The following P2RX7 variants were observed in gnomAD, a reference collection of about 807,000 sequenced individuals.
The protein encoded by P2RX7 is P2X purinoceptor 7.
In P2RX7, 62 loss-of-function variants were observed where a neutral mutation model predicts 71.6. The ratio of observed to expected loss-of-function variants is 0.87; its 90% CI spans 0.71 to 1.07. P2RX7 has a LOEUF of 1.07. Among genes scored for constraint, P2RX7 ranks in the 50% least tolerant of loss-of-function variants. P2RX7 has a pLI of 0.00. For missense variants in P2RX7, 686 were observed against 748.5 expected, an observed-to-expected ratio of 0.92 and a Z score of 0.97; for synonymous variants, 299 against 283.3, an observed-to-expected ratio of 1.06 and a Z score of -0.56.
Position 121,177,405 on chromosome 12 carries a change from T to C in P2RX7, c.1147T>C (p.Tyr383His), listed in dbSNP as rs889743560. 5.0e-6 allele frequency: 8 copies of C among 1,613,704 alleles called. No individual in the cohort carries two copies. The African/African-American group carries it at 8.0e-5, about 16-fold the overall frequency. The change falls in exon 11 of 13, where the codon TAC becomes CAC. Residue 383 changes from tyrosine (Y) to histidine (H), a missense_variant. Physicochemically the swap from Tyr to His is moderately conservative, Grantham distance 83. Coordinates refer to ENST00000328963, the MANE Select transcript of P2RX7 (RefSeq NM_002562.6). ...CCQPCVVNEY[Y>H]YRKKCESIVE... The stretch of plus-strand genomic sequence containing the variant: ...TCAGCCCTGTGTGGTCAACGAATAC[T>C]ACTACAGGAAGAAGTGCGAGTCCAT...
At position 121,180,385 on chromosome 12, in the gene P2RX7, C is replaced by T. The variant is rs755229064; in HGVS notation, c.1220C>T (p.Ser407Phe). ...AAGTATGTGTCCTTTGTGGATGAAT[C>T]CCACATTAGGATGGTGAACCAGCAG... ...TLKYVSFVDESHIRMVNQQLL... is the reference protein window; with the variant it reads ...TLKYVSFVDEFHIRMVNQQLL... Residue 407 changes from serine (S) to phenylalanine (F), a missense_variant, in exon 12 of 13, where the codon TCC becomes TTC. Transcript: ENST00000328963. The T allele has an allele frequency of 3.7e-6, 6 of 1,601,974 alleles. No individual in the cohort carries two copies.
At chr12:121,148,633 G>A (rs908559167) in intron 1 of P2RX7, among the ~76,000 whole-genome samples, 5 of 152,170 alleles carry the variant, frequency 3.3e-5, no homozygotes, top group Non-Finnish European at 2.9e-5. Flanking sequence ...AAGCCACTAA[G>A]TTTGTGGTAA....
In P2RX7 at chr12:121,184,520, G is replaced by A; in HGVS notation, c.1506G>A (p.Lys502=). ...RCLEELCCRK[K]PGACITTSEL... is the part of the protein sequence containing the mutation. ...TGGAGGAGCTGTGCTGCCGGAAAAAGCCGGGGGCCTGCATCACCACCTCAG... is the reference window on the plus strand; with the variant it reads ...TGGAGGAGCTGTGCTGCCGGAAAAAACCGGGGGCCTGCATCACCACCTCAG... Residue 502 remains lysine (K), a synonymous_variant, in exon 13 of 13, where the codon AAG becomes AAA. Transcript: ENST00000328963. 1 of 1,614,218 alleles carries A rather than the reference G, an allele frequency of 6.2e-7. No homozygotes were observed. Among genetic ancestry groups the A allele is most frequent in the African/African-American group, 1.3e-5 (1 of 75,062 alleles).
At chr12:121,136,003 CAAAAAAAA>C (rs1191508376) in intron 1 of P2RX7, among the ~76,000 whole-genome samples, 2 of 12,830 alleles carry the variant, frequency 1.6e-4, no homozygotes, top group African/African-American at 3.1e-4. Flanking sequence ...GACTCTGTCT[CAAAAAAAA>C]AAAAAAAAAA....
At chr12:121,184,119 G>A (rs972642118) in intron 12 of P2RX7, among the ~76,000 whole-genome samples, 186 bp from the exon 13 acceptor site, 8 of 151,674 alleles carry the variant, frequency 5.3e-5, no homozygotes, top group Middle Eastern at 3.2e-3. Flanking sequence ...TCTCACAAGC[G>A]TCTTCAAAGG....
intron 3 of P2RX7, among the ~76,000 whole-genome samples, chr12:121,157,677 A>G (rs962092889): frequency 1.3e-5 from 2 of 152,184 alleles, no homozygotes; most frequent in Non-Finnish European, 2.9e-5. Context: ...AAGAGTTAGG[A>G]TAGCCCAGAG....
intron 8 of P2RX7, among the ~76,000 whole-genome samples, chr12:121,174,097 G>C (rs1279530443): frequency 7.3e-6 from 1 of 136,572 alleles, no homozygotes; most frequent in Non-Finnish European, 1.5e-5. Context: ...ACCCAGGCTA[G>C]AGCGCAGTGA....
intron 1 of P2RX7, among the ~76,000 whole-genome samples, chr12:121,144,571 C>T (rs1875732233): frequency 6.6e-6 from 1 of 152,178 alleles, no homozygotes. Flanking sequence ...GTCATGTAGT[C>T]AGTAAGCAAT....
In P2RX7 at chr12:121,133,044, A is replaced by ATT; in HGVS notation, c.75_76dup (p.Tyr26PhefsTer11). 6.2e-7 allele frequency: 1 copy of ATT among 1,614,096 alleles called. No individual in the cohort carries two copies. Among genetic ancestry groups the ATT allele is most frequent in the Non-Finnish European group, 8.5e-7 (1 of 1,179,980 alleles). On this transcript the variant is annotated frameshift_variant, in exon 1 of 13. Transcript: ENST00000328963. LOFTEE classifies it high-confidence loss of function. The stretch of plus-strand genomic sequence containing the variant: ...AAAGTCACTCGGATCCAGAGCATGA[A>ATT]TTATGGCACCATTAAGTGGTTCTTC...
chr12:121,167,310 T>C (rs570230180), intron 7 of P2RX7, among the ~76,000 whole-genome samples, 178 bp from the exon 8 acceptor site: 1 of 152,128 alleles, frequency 6.6e-6, no homozygotes, highest in Non-Finnish European at 1.5e-5. Context: ...AGTGAGGAGA[T>C]GCGATTGTGG....
In P2RX7 at chr12:121,159,890, C is replaced by T. The variant is rs376457263; in HGVS notation, c.364-1012C>T. Among the ~76,000 whole-genome samples, 355 of 152,264 alleles carry T rather than the reference C, an allele frequency of 2.3e-3. 2 individuals carry two copies. The highest frequency in any genetic ancestry group is 8.0e-3 in the African/African-American group (331 of 41,550). On this transcript the variant is annotated intron_variant, in intron 3 of 12. Transcript: ENST00000328963. ...GCCACTTGGACCAAGCCACCTGTCC[C>T]CCATCCCAGCCAGCATCCCTGAAAG... is the stretch of plus-strand genomic sequence containing the variant.
intron 1 of P2RX7, among the ~76,000 whole-genome samples, chr12:121,147,714 C>T (rs1042006609): frequency 5.9e-5 from 9 of 152,080 alleles, no homozygotes; most frequent in East Asian, 1.9e-4. Context: ...CAGGTTCAAG[C>T]GATTCTCCTG....
chr12:121,147,319 TTTTTTG>T (rs1052364264), intron 1 of P2RX7, among the ~76,000 whole-genome samples: 5 of 152,242 alleles, frequency 3.3e-5, no homozygotes, highest in South Asian at 2.1e-4. Flanking sequence ...ATAGAGTTGG[TTTTTTG>T]TTTTTGTTTT....
rs112464689 is a variant in P2RX7 at position 121,156,208 on chromosome 12, C to T, written c.363+61C>T. The stretch of plus-strand genomic sequence containing the variant: ...AAGAGTTCCTGGGGGAGGTGCAAGT[C>T]GGAAGAAGCAGAAATGCGGACCCTG... On this transcript the variant is annotated intron_variant, in intron 3 of 12. Coordinates refer to ENST00000328963, the MANE Select transcript of P2RX7 (RefSeq NM_002562.6). 5.7e-4 allele frequency: 792 copies of T among 1,391,168 alleles called. 4 individuals are homozygous for T. The African/African-American group carries it at 7.8e-3, about 14-fold the overall frequency. The allele number at this position is 1,391,168 out of a possible 1,614,324, so 86.2% of individuals were successfully genotyped here. A position where few individuals can be genotyped will look rare whatever the true frequency, so the allele number is the denominator to read the frequency against.
At chr12:121,141,633 G>A (rs1203684916) in intron 1 of P2RX7, among the ~76,000 whole-genome samples, 1 of 152,064 alleles carries the variant, frequency 6.6e-6, no homozygotes. Flanking sequence ...AAAACATGAA[G>A]GGTTTTATGT....
chr12:121,144,113 T>C lies in P2RX7; in HGVS notation c.126-10672T>C, dbSNP rs144861696. 2.0e-3 allele frequency among the ~76,000 whole-genome samples: 302 copies of C among 152,302 alleles called. 2 individuals are homozygous for C. The highest frequency in any genetic ancestry group is 6.6e-3 in the African/African-American group (273 of 41,568). ...TATTCTCTGCCTCTGGAGATTTGTC[T>C]TTTCTGGACAATCTTTCTTCTTAAA... On this transcript the variant is annotated intron_variant, in intron 1 of 12. Coordinates refer to ENST00000328963, the MANE Select transcript of P2RX7 (RefSeq NM_002562.6).
chr12:121,154,664 A>G lies in P2RX7; in HGVS notation c.126-121A>G. ...TATCCAGAGAGGGAAAACAAGTCAC[A>G]CGGAAGCAAGTCACGCAGCAGAGCT... On this transcript the variant is annotated intron_variant, in intron 1 of 12. Transcript: ENST00000328963. This position sits in a 1 kb window ranked among gnomAD's most constrained non-coding sequence, Gnocchi z 4.2. The G allele has an allele frequency of 1.4e-6, 1 of 739,942 alleles. No individual in the cohort carries two copies. The highest frequency in any genetic ancestry group is 2.5e-6 in the Non-Finnish European group (1 of 406,628). The allele number at this position is 739,942 out of a possible 1,614,324, so 45.8% of individuals were successfully genotyped here.
chr12:121,136,023 A>AAAAAAAAAAAATAGATAT, intron 1 of P2RX7, among the ~76,000 whole-genome samples: 1 of 15,256 alleles, frequency 6.6e-5, no homozygotes, highest in Non-Finnish European at 1.8e-4. Context: ...AAAAAAAAAA[A>AAAAAAAAAAAATAGATAT]ATATATATAT....
intron 5 of P2RX7, among the ~76,000 whole-genome samples, chr12:121,163,611 AGATAG>A (rs1565958964): frequency 2.8e-5 from 3 of 108,222 alleles, no homozygotes; most frequent in Admixed American, 9.3e-5. Flanking sequence ...ATAGATAGAT[AGATAG>A]ATAGATAGAT....
Sources: allele counts gnomAD v4.1 joint callset (sites outside exome capture counted in the v4.1 genomes callset), GRCh38; gene constraint gnomAD v4.1.1; non-coding constraint Gnocchi (gnomAD v3.1); transcripts MANE v1.5; gene names NCBI Gene and HGNC (gene_info 2026-07-23, HGNC 2026-07-21).